Variants in ABCA1 observed in about 807,000 individuals in gnomAD.
The protein encoded by ABCA1 is phospholipid-transporting ATPase ABCA1.
ABCA1 carries 133 observed loss-of-function variants against 262.5 expected under a neutral mutation model. The ratio of observed to expected loss-of-function variants is 0.51; its 90% CI spans 0.44 to 0.59. The LOEUF (loss-of-function observed/expected upper bound fraction) is 0.59. Among genes scored for constraint, ABCA1 ranks in the 20% least tolerant of loss-of-function variants. The pLI, the probability that ABCA1 is intolerant of heterozygous loss-of-function variation, is 0.00. For missense variants in ABCA1, 2,452 were observed against 2,777.5 expected, an observed-to-expected ratio of 0.88 and a Z score of 2.63; for synonymous variants, 1,022 against 1,043.5, an observed-to-expected ratio of 0.98 and a Z score of 0.40.
At chr9:104,854,078 G>C (rs1450588596) in intron 7 of ABCA1, among the ~76,000 whole-genome samples, 11 of 152,240 alleles carry the variant, frequency 7.2e-5, no homozygotes, top group Non-Finnish European at 1.5e-4. Context: ...AGATGTGACA[G>C]GAGGCGTCAG....
At chr9:104,810,141 CATATATATAT>C (rs35876406) in intron 29 of ABCA1, among the ~76,000 whole-genome samples, 4,506 of 126,834 alleles carry the variant, frequency 0.036, 229 homozygotes, top group African/African-American at 0.11. Flanking sequence ...ATTCACATTA[CATATATATAT>C]ATATATATAT....
At chr9:104,876,824 G>A (rs1768045763) in intron 5 of ABCA1, among the ~76,000 whole-genome samples, 1 of 152,188 alleles carries the variant, frequency 6.6e-6, no homozygotes, top group African/African-American at 2.4e-5. Context: ...TGACTCCAGG[G>A]CAAGGAAGGA....
rs983744709 is a variant in ABCA1, at chr9:104,903,477, C to G, written c.66+137G>C. ...ATATCCGGACCACACAGTCCTGTGT[C>G]CATAAGAGCCAGATTCCATCAATCC... On this transcript the variant is annotated intron_variant, in intron 2 of 49. Coordinates refer to ENST00000374736, the MANE Select transcript of ABCA1 (RefSeq NM_005502.4). The G allele has an allele frequency of 3.9e-5, 36 of 919,614 alleles. No individual in the cohort carries two copies. In the African/African-American group the frequency reaches 4.9e-4, roughly 13 times the overall value. The allele number at this position is 919,614 out of a possible 1,614,324, so 57.0% of individuals were successfully genotyped here. A position where few individuals can be genotyped will look rare whatever the true frequency, so the allele number is the denominator to read the frequency against.
chr9:104,850,043 C>A (rs1835238349), intron 7 of ABCA1, among the ~76,000 whole-genome samples: 1 of 152,194 alleles, frequency 6.6e-6, no homozygotes, highest in African/African-American at 2.4e-5. Flanking sequence ...ATCAGCTGTA[C>A]CTGTAATGTT....
intron 8 of ABCA1, among the ~76,000 whole-genome samples, chr9:104,845,139 G>C (rs41483745): frequency 0.13 from 19,414 of 152,198 alleles, 3,973 homozygotes; most frequent in African/African-American, 0.43. Context: ...GAAATTGCTG[G>C]TCAGACAAAA....
intron 27 of ABCA1, among the ~76,000 whole-genome samples, 159 bp from the exon 28 acceptor site, chr9:104,812,881 G>A (rs1350817619): frequency 2.0e-5 from 3 of 152,194 alleles, no homozygotes; most frequent in African/African-American, 7.2e-5. Context: ...CTATGTCCAA[G>A]GAAAAGCTTG....
chr9:104,901,063 C>A (rs1424557432), intron 2 of ABCA1, among the ~76,000 whole-genome samples: 1 of 152,196 alleles, frequency 6.6e-6, no homozygotes, highest in Non-Finnish European at 1.5e-5. Flanking sequence ...CAAGAAGCAA[C>A]AAGACCAGTG....
chr9:104,850,585 A>T (rs185257541), intron 7 of ABCA1, among the ~76,000 whole-genome samples: 3 of 152,382 alleles, frequency 2.0e-5, no homozygotes, highest in African/African-American at 7.2e-5. Flanking sequence ...GATCTAACAG[A>T]CAGATAACTT....
chr9:104,818,998 A>G, intron 22 of ABCA1, 115 bp from the exon 23 acceptor site: 1 of 1,012,354 alleles, frequency 9.9e-7, no homozygotes, highest in East Asian at 2.6e-5. Flanking sequence ...GAGACCTGGA[A>G]GCCACCTTTC....
intron 5 of ABCA1, among the ~76,000 whole-genome samples, chr9:104,862,708 C>A (rs1588441606): frequency 5.1e-5 from 1 of 19,550 alleles, no homozygotes; most frequent in Non-Finnish European, 1.2e-4. Flanking sequence ...CCGGCCCCCA[C>A]CCCCACCCCC....
intron 6 of ABCA1, among the ~76,000 whole-genome samples, chr9:104,859,903 C>G (rs562975725): frequency 8.2e-4 from 125 of 151,918 alleles, no homozygotes; most frequent in African/African-American, 2.8e-3. Flanking sequence ...AAAAATACAA[C>G]AATTAGCCAG....
intron 31 of ABCA1, 149 bp from the exon 32 acceptor site, chr9:104,804,869 G>C: frequency 1.4e-6 from 1 of 738,628 alleles, no homozygotes. Flanking sequence ...CCAGCACTGA[G>C]ACTTGGTTCA....
intron 49 of ABCA1, among the ~76,000 whole-genome samples, chr9:104,784,886 C>T (rs1412910443): frequency 1.3e-5 from 2 of 152,206 alleles, no homozygotes; most frequent in Non-Finnish European, 2.9e-5. Context: ...TCATGATCTG[C>T]CTGCTCCTCA....
At chr9:104,881,892 C>T (rs1001424321) in intron 5 of ABCA1, among the ~76,000 whole-genome samples, 17 of 152,046 alleles carry the variant, frequency 1.1e-4, no homozygotes, top group African/African-American at 3.9e-4. Flanking sequence ...ACTCCAAGCA[C>T]AGCCATACCT....
rs148870269 is a variant in ABCA1, at chr9:104,825,843, A to G, written c.2382T>C (p.Phe794=). 9.9e-5 allele frequency: 160 copies of G among 1,614,228 alleles called. No individual in the cohort carries two copies. Among genetic ancestry groups the G allele is most frequent in the Non-Finnish European group, 1.3e-4 (149 of 1,180,042 alleles). ...PVAFGFGCEY[F]ALFEEQGIGV... ...CAATGCCCTGCTCCTCAAAAAGGGC[A>G]AAGTACTCACAGCCAAACCCAAAAG... The change falls in exon 17 of 50, where the codon TTT becomes TTC. Residue 794 remains phenylalanine, a synonymous_variant. Transcript: ENST00000374736.
chr9:104,889,346 G>T, intron 2 of ABCA1, 151 bp from the exon 3 acceptor site: 2 of 1,526,126 alleles, frequency 1.3e-6, no homozygotes, highest in Non-Finnish European at 1.8e-6. Context: ...TAACAGAACT[G>T]TTTGGAGTCC....
intron 5 of ABCA1, among the ~76,000 whole-genome samples, chr9:104,880,364 G>C (rs1343565275): frequency 1.3e-5 from 2 of 152,162 alleles, no homozygotes; most frequent in Non-Finnish European, 2.9e-5. Flanking sequence ...GCCAGGTGCA[G>C]TGGCTCATGC....
intron 3 of ABCA1, among the ~76,000 whole-genome samples, chr9:104,886,033 C>T (rs998397641): frequency 1.3e-5 from 2 of 152,190 alleles, no homozygotes; most frequent in Non-Finnish European, 2.9e-5. Flanking sequence ...ATTAACTTCA[C>T]AGAGCTGTGG....
At chr9:104,913,686 G>A (rs1588581874) in intron 1 of ABCA1, among the ~76,000 whole-genome samples, 3 of 152,222 alleles carry the variant, frequency 2.0e-5, no homozygotes, top group East Asian at 1.9e-4. Context: ...CCCCCTCTTG[G>A]GGGTCCTCAC....
Sources: gnomAD v4.1 joint callset for allele counts (sites outside exome capture counted in the v4.1 genomes callset) on GRCh38, gnomAD v4.1.1 for gene constraint, MANE v1.5 for transcripts, NCBI Gene and HGNC (gene_info 2026-07-23, HGNC 2026-07-21) for gene names.